Variants in TMEM71 observed in about 807,000 individuals in gnomAD.
The protein encoded by TMEM71 is transmembrane protein 71.
In TMEM71, 44 loss-of-function variants were observed where a neutral mutation model predicts 38.0. The observed-to-expected ratio is 1.16, with a 90% confidence interval of 0.91 to 1.49. The LOEUF is 1.49. Among genes scored for constraint, TMEM71 ranks in the 40% most tolerant of loss-of-function variants. TMEM71 has a pLI of 0.00. For synonymous variants in TMEM71, 133 were observed against 122.5 expected (o/e 1.09, Z -0.56); for missense variants, 367 against 348.6 (o/e 1.05, Z -0.42).
At chr8:132,732,165 A>G (rs569882386) in intron 5 of TMEM71, among the ~76,000 whole-genome samples, 6 of 152,340 alleles carry the variant, frequency 3.9e-5, no homozygotes, top group Non-Finnish European at 7.3e-5. Flanking sequence ...GGATGCAATG[A>G]GGTAATTGCT....
the TMEM71 span, among the ~76,000 whole-genome samples, chr8:132,775,193 G>A: frequency 1.3e-5 from 2 of 152,206 alleles, no homozygotes; most frequent in Non-Finnish European, 2.9e-5. Flanking sequence ...GGCACCAAGA[G>A]CTCGCGTTCT....
intron 6 of TMEM71, among the ~76,000 whole-genome samples, chr8:132,725,095 G>C (rs2131049685): frequency 6.7e-6 from 1 of 150,176 alleles, no homozygotes; most frequent in African/African-American, 2.5e-5. Context: ...CTGCAGTGCA[G>C]TGCATGATCT....
chr8:132,769,624 C>T, the TMEM71 span, among the ~76,000 whole-genome samples: 1 of 152,142 alleles, frequency 6.6e-6, no homozygotes, highest in Admixed American at 6.5e-5. Context: ...TGAGATTAGT[C>T]CCTTAGAAGA....
chr8:132,750,346 A>G (rs1828637958), intron 4 of TMEM71, among the ~76,000 whole-genome samples: 2 of 152,188 alleles, frequency 1.3e-5, no homozygotes, highest in Non-Finnish European at 2.9e-5. Context: ...CCTGACCCTT[A>G]TTACAACTTG....
At chr8:132,709,566 G>A (rs1401727530), downstream of TMEM71, among the ~76,000 whole-genome samples, 8 of 152,040 alleles carry the variant, frequency 5.3e-5, no homozygotes, top group African/African-American at 1.9e-4. Context: ...TAAAGAGGGA[G>A]GTAGAGGGAG....
At position 132,751,836 on chromosome 8, in the gene TMEM71, A is replaced by T; in HGVS notation, c.263T>A (p.Ile88Lys). Residue 88 changes from isoleucine to lysine, a missense_variant, in exon 4 of 10, where the codon ATA (isoleucine) becomes AAA (lysine). Transcript: ENST00000677595. The stretch of plus-strand genomic sequence containing the variant: ...GCTGGTCTGGGATGGGTTCAGAGTT[A>T]TGTTGCCATCTTTGTCGCACAGGAA... Reference protein sequence around the residue: ...DSFLCDKDGNITLNPSQTSVM... With the variant: ...DSFLCDKDGNKTLNPSQTSVM... 6.2e-7 allele frequency: 1 copy of T among 1,613,988 alleles called. No individual in the cohort carries two copies. The highest frequency in any genetic ancestry group is 8.5e-7 in the Non-Finnish European group (1 of 1,180,042).
downstream of TMEM71, among the ~76,000 whole-genome samples, chr8:132,706,950 C>G (rs1037143495): frequency 1.3e-5 from 2 of 151,782 alleles, no homozygotes; most frequent in Non-Finnish European, 2.9e-5. Context: ...CCACAAAATT[C>G]AAAACAAAAA....
chr8:132,756,778 G>T (rs953743926), intron 3 of TMEM71, among the ~76,000 whole-genome samples: 1 of 151,778 alleles, frequency 6.6e-6, no homozygotes, highest in Non-Finnish European at 1.5e-5. Flanking sequence ...GTAGAGACAA[G>T]GTTTCACCAT....
chr8:132,735,272 A>C (rs1429780162), intron 5 of TMEM71, among the ~76,000 whole-genome samples: 2 of 152,212 alleles, frequency 1.3e-5, no homozygotes, highest in Non-Finnish European at 2.9e-5. Flanking sequence ...TGAACTGAGG[A>C]CAAACAAAAC....
intron 5 of TMEM71, among the ~76,000 whole-genome samples, chr8:132,738,824 T>G (rs1827882547): frequency 1.3e-5 from 2 of 151,348 alleles, no homozygotes; most frequent in Non-Finnish European, 2.9e-5. Context: ...TAACAAGCAC[T>G]TATTGCATTC....
At chr8:132,767,044 A>G in the TMEM71 span, among the ~76,000 whole-genome samples, 1 of 152,188 alleles carries the variant, frequency 6.6e-6, no homozygotes, top group Non-Finnish European at 1.5e-5. Flanking sequence ...CTATTCTGAA[A>G]CGGAATGATC....
At chr8:132,707,600 TTC>T (rs1245278990), downstream of TMEM71, among the ~76,000 whole-genome samples, 12 of 152,172 alleles carry the variant, frequency 7.9e-5, no homozygotes, top group African/African-American at 2.4e-4. Flanking sequence ...TTCTCTCATC[TTC>T]TCACCTTCAG....
intron 4 of TMEM71, among the ~76,000 whole-genome samples, chr8:132,751,556 G>A (rs1276545044): frequency 6.6e-6 from 1 of 152,090 alleles, no homozygotes; most frequent in Non-Finnish European, 1.5e-5. Context: ...TCCACAGTCT[G>A]GAGCAATAAT....
At chr8:132,758,799 G>C in intron 2 of TMEM71, 41 bp downstream of exon 2, 1 of 1,578,790 alleles carries the variant, frequency 6.3e-7, no homozygotes. Context: ...GAGTCTAATC[G>C]TTCAAAAGAT....
chr8:132,745,417 A>G (rs922730535), intron 5 of TMEM71, among the ~76,000 whole-genome samples: 2 of 152,250 alleles, frequency 1.3e-5, no homozygotes, highest in Non-Finnish European at 2.9e-5. Context: ...CAACAAATGT[A>G]TGAAAAAATG....
chr8:132,768,514 A>C, the TMEM71 span, among the ~76,000 whole-genome samples: 1 of 152,076 alleles, frequency 6.6e-6, no homozygotes, highest in Non-Finnish European at 1.5e-5. Context: ...GTATATCCCT[A>C]CTGTTTGCTC....
At chr8:132,706,565 T>C (rs995465427), downstream of TMEM71, among the ~76,000 whole-genome samples, 2 of 152,210 alleles carry the variant, frequency 1.3e-5, no homozygotes, top group Non-Finnish European at 2.9e-5. Context: ...AGGGTGTGCC[T>C]TTTGGGAAAT....
chr8:132,732,643 G>A (rs990017770), intron 5 of TMEM71, among the ~76,000 whole-genome samples: 1 of 152,178 alleles, frequency 6.6e-6, no homozygotes, highest in Non-Finnish European at 1.5e-5. Context: ...TGAGAGATTT[G>A]CGAGATTCCC....
At chr8:132,708,702 G>T (rs1826130235), downstream of TMEM71, among the ~76,000 whole-genome samples, 1 of 152,154 alleles carries the variant, frequency 6.6e-6, no homozygotes, top group Non-Finnish European at 1.5e-5. Context: ...CTTTGTAAAT[G>T]GGATGAAGTT....
Sources: gnomAD v4.1 joint callset for allele counts (sites outside exome capture counted in the v4.1 genomes callset) on GRCh38, gnomAD v4.1.1 for gene constraint, MANE v1.5 for transcripts, NCBI Gene and HGNC (gene_info 2026-07-23, HGNC 2026-07-21) for gene names.